The following ZNF215 variants were observed in gnomAD, a reference collection of about 807,000 sequenced individuals.
ZNF215 encodes the protein zinc finger protein 215, also known as BWSCR2-associated zinc finger protein 2.
A neutral mutation model predicts 27.2 loss-of-function variants in ZNF215; 24 were observed. The ratio of observed to expected loss-of-function variants is 0.88; its 90% CI spans 0.64 to 1.24. The LOEUF is 1.24. Ranked by LOEUF, ZNF215 falls within the 50% of genes most tolerant of loss-of-function variation. The pLI, the probability that ZNF215 is intolerant of heterozygous loss-of-function variation, is 0.00. For missense variants in ZNF215, 675 were observed against 605.7 expected (o/e 1.11, Z -1.20); for synonymous variants, 210 against 204.0 (o/e 1.03, Z -0.25).
chr11:6,940,230 TAAA>T (rs749709865), intron 3 of ZNF215, among the ~76,000 whole-genome samples: 1 of 133,290 alleles, frequency 7.5e-6, no homozygotes, highest in Non-Finnish European at 1.6e-5. Context: ...AGACCCTCTT[TAAA>T]AAAAAAAAAA....
At chr11:6,973,564 T>A (rs1850766888) in intron 5 of ZNF215, among the ~76,000 whole-genome samples, 2 of 152,296 alleles carry the variant, frequency 1.3e-5, no homozygotes, top group East Asian at 3.9e-4. Flanking sequence ...ACCTGTTGTT[T>A]CCTGACTTTT....
rs1431268595 is a variant in ZNF215 at position 6,943,181 on chromosome 11, G to A, written c.582G>A (p.Leu194=). The A allele has an allele frequency of 6.2e-7, 1 of 1,613,526 alleles. No homozygotes were observed. The highest frequency in any genetic ancestry group is 1.7e-5 in the Admixed American group (1 of 59,898). The change falls in exon 5 of 7, where the codon CTG becomes CTA. Residue 194 remains leucine (L), a synonymous_variant. Coordinates refer to ENST00000278319, the MANE Select transcript of ZNF215 (RefSeq NM_013250.4). ...AGAACCTGTACAGGAATGTGATGCT[G>A]GAAAACTTTAGGAACCTGAATTCAT... The part of the protein sequence containing the change: ...AVKNLYRNVM[L]ENFRNLNSLR...
intron 5 of ZNF215, among the ~76,000 whole-genome samples, chr11:6,977,643 A>T (rs371317877): frequency 6.6e-5 from 10 of 152,124 alleles, no homozygotes; most frequent in African/African-American, 2.4e-4. Context: ...CAGAAGGAAC[A>T]TGTGAAGACA....
At chr11:6,966,340 G>A (rs1850617432) in intron 5 of ZNF215, among the ~76,000 whole-genome samples, 1 of 151,976 alleles carries the variant, frequency 6.6e-6, no homozygotes, top group Admixed American at 6.6e-5. Context: ...GTGGAGGGTG[G>A]TATGAGGATG....
intron 3 of ZNF215, among the ~76,000 whole-genome samples, chr11:6,933,461 G>T (rs1849331234): frequency 6.6e-6 from 1 of 152,144 alleles, no homozygotes; most frequent in Non-Finnish European, 1.5e-5. Flanking sequence ...AGAAGTAGGA[G>T]AAATACAAAT....
intron 6 of ZNF215, among the ~76,000 whole-genome samples, chr11:6,950,206 G>T (rs1849997867): frequency 1.4e-5 from 2 of 139,662 alleles, no homozygotes; most frequent in African/African-American, 5.3e-5. Context: ...GGATTGACTT[G>T]GCGATGGGGC....
chr11:6,935,058 T>A (rs2595502), intron 3 of ZNF215, among the ~76,000 whole-genome samples: 148,750 of 152,310 alleles, frequency 0.98, 72,736 homozygotes, highest in Middle Eastern at 1. Context: ...AGTCACTCAG[T>A]ACTGAGGTGG....
chr11:6,990,954 CACAA>C (rs1851109621), downstream of ZNF215, among the ~76,000 whole-genome samples: 1 of 152,204 alleles, frequency 6.6e-6, no homozygotes, highest in Non-Finnish European at 1.5e-5. Flanking sequence ...GAAAAAGAAT[CACAA>C]ACCAGTGACT....
At position 6,927,750 on chromosome 11, in the gene ZNF215, T is replaced by G. The variant is rs1253419188; in HGVS notation, c.-237T>G. ...ACTATTCCACCTCGGAAATCTTACC[T>G]AAATGCAGCATGCCATCCTGAACGT... is the stretch of plus-strand genomic sequence containing the variant. On this transcript the variant is annotated 5_prime_UTR_variant, in exon 2 of 7. Coordinates refer to ENST00000278319, the MANE Select transcript of ZNF215 (RefSeq NM_013250.4). 1 of 152,270 alleles carries G rather than the reference T, an allele frequency of 6.6e-6. No individual in the cohort carries two copies. Among genetic ancestry groups the G allele is most frequent in the Non-Finnish European group, 1.5e-5 (1 of 68,072 alleles). 9.4% of individuals were successfully genotyped at this position (152,270 alleles called of 1,614,324 possible).
At chr11:6,940,122 A>G (rs1220108098) in intron 3 of ZNF215, among the ~76,000 whole-genome samples, 1 of 151,434 alleles carries the variant, frequency 6.6e-6, no homozygotes, top group Non-Finnish European at 1.5e-5. Flanking sequence ...AGTCCTTGCT[A>G]TTCAAGAGGC....
Position 6,982,570 on chromosome 11 carries a change from AT to A in ZNF215, c.806-1558del, listed in dbSNP as rs1403555380. Among the ~76,000 whole-genome samples, 7 of 152,158 alleles carry A rather than the reference AT, an allele frequency of 4.6e-5. No individual in the cohort carries two copies. The East Asian group carries it at 1.2e-3, about 25-fold the overall frequency. ...ATAACAAACTGTCTCTCAGACCACA[AT>A]GCAATCAAACTAGAACTCAGGATTA... On this transcript the variant is annotated intron_variant, in intron 5 of 5. Coordinates refer to the ZNF215 transcript ENST00000529903.
At chr11:6,926,904 G>C (rs1248109542) in intron 1 of ZNF215, 2 of 151,826 alleles carry the variant, frequency 1.3e-5, no homozygotes, top group African/African-American at 4.8e-5. Flanking sequence ...GCTGACGGGA[G>C]GGATGGAAAC....
downstream of ZNF215, among the ~76,000 whole-genome samples, chr11:6,989,933 G>C (rs1024349101): frequency 3.3e-5 from 5 of 152,174 alleles, no homozygotes; most frequent in Non-Finnish European, 5.9e-5. Context: ...TTAAGAAGCA[G>C]ACACTGCATG....
In ZNF215 at chr11:6,956,278, C is replaced by A; in HGVS notation, c.1301C>A (p.Ala434Asp). 1 of 1,614,090 alleles carries A rather than the reference C, an allele frequency of 6.2e-7. No homozygotes were observed. The highest frequency in any genetic ancestry group is 8.5e-7 in the Non-Finnish European group (1 of 1,180,008). The change falls in exon 7 of 7, where the codon GCC becomes GAC. Residue 434 changes from alanine (A) to aspartate (D), a missense_variant. Ala to Asp is a moderately radical substitution (Grantham distance 126). Coordinates refer to ENST00000278319, the MANE Select transcript of ZNF215 (RefSeq NM_013250.4). ...KHQKLHAEAK[A>D]CTSNKCGKAF... is the part of the protein sequence containing the mutation. ...CAAAAACTTCATGCTGAAGCAAAGG[C>A]CTGCACAAGCAATAAATGTGGAAAG...
At position 6,949,090 on chromosome 11, in the gene ZNF215, A is replaced by G. The variant is rs921787999; in HGVS notation, c.712+5449A>G. On this transcript the variant is annotated intron_variant, in intron 6 of 6. Coordinates refer to ENST00000278319, the MANE Select transcript of ZNF215 (RefSeq NM_013250.4). ...AAAGGACATGAACTCATCATTTTTTATGGCTGCATAGTATTCCATGGTGTA... is the reference window on the plus strand; with the variant it reads ...AAAGGACATGAACTCATCATTTTTTGTGGCTGCATAGTATTCCATGGTGTA... 1.8e-3 allele frequency among the ~76,000 whole-genome samples: 279 copies of G among 150,812 alleles called. 2 individuals are homozygous for G. The highest frequency in any genetic ancestry group is 6.6e-3 in the African/African-American group (270 of 40,992).
chr11:6,952,815 G>T (rs1182355095), intron 6 of ZNF215, among the ~76,000 whole-genome samples: 4 of 151,986 alleles, frequency 2.6e-5, no homozygotes, highest in Non-Finnish European at 5.9e-5. Context: ...AGTTGATGCA[G>T]TTTCTTCGTA....
chr11:6,943,711 C>A, intron 6 of ZNF215, 70 bp downstream of exon 6: 2 of 1,204,280 alleles, frequency 1.7e-6, no homozygotes, highest in Middle Eastern at 2.0e-4. Flanking sequence ...CAATGTGCAA[C>A]CCAATCTTTG....
At chr11:6,974,176 G>C (rs528628914) in intron 5 of ZNF215, among the ~76,000 whole-genome samples, 11 of 151,890 alleles carry the variant, frequency 7.2e-5, no homozygotes, top group Non-Finnish European at 1.5e-4. Flanking sequence ...TCTTGTTTTT[G>C]TCAGGTTTGT....
chr11:6,955,153 C>A (rs1850276178), intron 6 of ZNF215, among the ~76,000 whole-genome samples: 1 of 152,050 alleles, frequency 6.6e-6, no homozygotes, highest in Non-Finnish European at 1.5e-5. Context: ...TATTAGAGTT[C>A]TTTTTGCCTT....
Sources: gnomAD v4.1 joint callset for allele counts (sites outside exome capture counted in the v4.1 genomes callset) on GRCh38, gnomAD v4.1.1 for gene constraint, MANE v1.5 for transcripts, NCBI Gene and HGNC (gene_info 2026-07-23, HGNC 2026-07-21) for gene names.